The following HCN1 variants were observed in gnomAD, a reference collection of about 807,000 sequenced individuals.
HCN1 encodes the protein potassium/sodium hyperpolarization-activated cyclic nucleotide-gated channel 1.
In HCN1, 13 loss-of-function variants were observed where a neutral mutation model predicts 78.9. The observed-to-expected ratio is 0.16, with a 90% CI of 0.11 to 0.26. HCN1 has a LOEUF of 0.26. Ranked by LOEUF, HCN1 falls within the 10% of genes least tolerant of loss-of-function variation. The pLI, the probability that HCN1 is intolerant of heterozygous loss-of-function variation, is 1.00. For synonymous variants in HCN1, 552 were observed against 455.5 expected, an observed-to-expected ratio of 1.21 and a Z score of -2.70; for missense variants, 810 against 1,154.3, an observed-to-expected ratio of 0.70 and a Z score of 4.32.
intron 6 of HCN1, among the ~76,000 whole-genome samples, chr5:45,282,762 T>C (rs1745193597): frequency 6.6e-6 from 1 of 152,190 alleles, no homozygotes; most frequent in African/African-American, 2.4e-5. Context: ...TAGTAATTCT[T>C]TCAATCAGCT....
chr5:45,644,976 C>T, intron 2 of HCN1: 1 of 546,644 alleles, frequency 1.8e-6, no homozygotes, highest in Non-Finnish European at 3.2e-6. Context: ...AAAACGATCA[C>T]TATTTTTTTC....
chr5:45,645,669 T>C (rs1010995566), intron 1 of HCN1, 61 bp from the exon 2 acceptor site: 4 of 1,040,458 alleles, frequency 3.8e-6, no homozygotes, highest in African/African-American at 3.2e-5. Flanking sequence ...ATCCCCCCCA[T>C]GAAAAATTAT....
chr5:45,261,020 A>G lies in HCN1; in HGVS notation c.*901T>C, dbSNP rs923345026. On this transcript the variant is annotated 3_prime_UTR_variant, in exon 8 of 8. Coordinates refer to ENST00000303230, the MANE Select transcript of HCN1 (RefSeq NM_021072.4). The stretch of plus-strand genomic sequence containing the variant: ...TCGAGCATACAATTTTGCATAAAAC[A>G]TTGCAGGTTAAAATAATATTGTAGG... 5.2e-5 allele frequency: 8 copies of G among 152,644 alleles called. No homozygotes were observed. Among genetic ancestry groups the G allele is most frequent in the Non-Finnish European group, 1.2e-4 (8 of 68,038 alleles). The allele number at this position is 152,644 out of a possible 1,614,324, so 9.5% of individuals were successfully genotyped here.
At chr5:45,520,172 C>T (rs1180430930) in intron 2 of HCN1, among the ~76,000 whole-genome samples, 1 of 151,992 alleles carries the variant, frequency 6.6e-6, no homozygotes, top group African/African-American at 2.4e-5. Context: ...GCTTAGCCTG[C>T]TCCCATTGGA....
intron 3 of HCN1, among the ~76,000 whole-genome samples, chr5:45,446,290 G>A (rs1233197945): frequency 6.6e-6 from 1 of 152,188 alleles, no homozygotes; most frequent in Non-Finnish European, 1.5e-5. Context: ...GGGTATGAGT[G>A]ACGGAAGATC....
At chr5:45,324,813 A>G (rs1171041046) in intron 5 of HCN1, among the ~76,000 whole-genome samples, 4 of 151,828 alleles carry the variant, frequency 2.6e-5, no homozygotes, top group Non-Finnish European at 1.5e-5. Context: ...CTCTACGCTG[A>G]CTACACGAAA....
At position 45,496,640 on chromosome 5, in the gene HCN1, C is replaced by T. The variant is rs375456771; in HGVS notation, c.850-34633G>A. 3.0e-3 allele frequency among the ~76,000 whole-genome samples: 453 copies of T among 152,048 alleles called. 21 individuals carry two copies. The East Asian group carries it at 0.072, about 24-fold the overall frequency. ...CTAGCGGTCTATCAATTTTGTTGAT[C>T]CTTTCAAAAAACCAGCTCCTGGATT... On this transcript the variant is annotated intron_variant, in intron 2 of 7. Transcript: ENST00000303230.
At position 45,353,253 on chromosome 5, in the gene HCN1, G is replaced by T; in HGVS notation, c.1231-7C>A. ...ATTGTTCCACTTGCTTATACTGTAA[G>T]GAAGGGAAAATAAAATTAAAAAAAA... On this transcript the variant is annotated splice_region_variant and splice_polypyrimidine_tract_variant and intron_variant, in intron 4 of 7. Transcript: ENST00000303230. The T allele has an allele frequency of 6.3e-7, 1 of 1,587,862 alleles. No individual in the cohort carries two copies. Among genetic ancestry groups the T allele is most frequent in the South Asian group, 1.1e-5 (1 of 90,050 alleles).
At chr5:45,327,950 T>C (rs188460230) in intron 5 of HCN1, among the ~76,000 whole-genome samples, 1 of 151,772 alleles carries the variant, frequency 6.6e-6, no homozygotes, top group Admixed American at 6.6e-5. Flanking sequence ...CAGTTTGTGG[T>C]ATTTTGTCAT....
In HCN1 at chr5:45,520,808, A is replaced by G. The variant is rs181849955; in HGVS notation, c.850-58801T>C. The stretch of plus-strand genomic sequence containing the variant: ...TAAGCAGCTTCAAGGAACTTCTTTT[A>G]GAGATGAAAAGACATACTACTCAGG... On this transcript the variant is annotated intron_variant, in intron 2 of 7. Transcript: ENST00000303230. 9.4e-3 allele frequency among the ~76,000 whole-genome samples: 1,424 copies of G among 152,088 alleles called. 11 individuals are homozygous for G. The highest frequency in any genetic ancestry group is 0.014 in the Middle Eastern group (4 of 294).
Position 45,285,076 on chromosome 5 carries a change from C to A in HCN1, c.1619-17823G>T, listed in dbSNP as rs76211165. ...GGAATGAGCTGGAGAGATTCCAGAT[C>A]ATCAGAAATGAGTTTCCTGAGGTGA... On this transcript the variant is annotated intron_variant, in intron 6 of 7. Coordinates refer to ENST00000303230, the MANE Select transcript of HCN1 (RefSeq NM_021072.4). Among the ~76,000 whole-genome samples the A allele has an allele frequency of 9.4e-3, 1,435 of 152,116 alleles. 64 individuals carry two copies. The highest frequency in any genetic ancestry group is 0.064 in the Admixed American group (984 of 15,258).
intron 3 of HCN1, among the ~76,000 whole-genome samples, chr5:45,406,016 A>AT (rs1579873219): frequency 6.6e-6 from 1 of 152,038 alleles, no homozygotes; most frequent in Non-Finnish European, 1.5e-5. Flanking sequence ...GATATCACAG[A>AT]TTTTTTCTTA....
intron 3 of HCN1, among the ~76,000 whole-genome samples, chr5:45,413,731 T>C (rs1740067183): frequency 6.6e-6 from 1 of 152,080 alleles, no homozygotes; most frequent in Non-Finnish European, 1.5e-5. Context: ...GTGATCTTGA[T>C]AACATTAGCC....
chr5:45,630,582 C>T (rs916782780), intron 2 of HCN1, among the ~76,000 whole-genome samples: 1 of 152,182 alleles, frequency 6.6e-6, no homozygotes, highest in Non-Finnish European at 1.5e-5. Flanking sequence ...ACTTTCAAAA[C>T]ACCAACTTAT....
At chr5:45,361,776 AATT>A (rs1747115710) in intron 4 of HCN1, among the ~76,000 whole-genome samples, 1 of 152,122 alleles carries the variant, frequency 6.6e-6, no homozygotes, top group Admixed American at 6.6e-5. Flanking sequence ...TTCATTTATC[AATT>A]ATTATTATTA....
intron 1 of HCN1, among the ~76,000 whole-genome samples, chr5:45,684,698 T>C (rs1314806449): frequency 6.6e-6 from 1 of 152,090 alleles, no homozygotes; most frequent in Non-Finnish European, 1.5e-5. Context: ...CCATCTCTAC[T>C]GAAAATACAA....
At chr5:45,299,999 A>G (rs574426295) in intron 6 of HCN1, among the ~76,000 whole-genome samples, 1 of 152,128 alleles carries the variant, frequency 6.6e-6, no homozygotes, top group East Asian at 1.9e-4. Context: ...ATATTCAGTG[A>G]TGTGATTCAC....
At chr5:45,372,175 A>G (rs1200010007) in intron 4 of HCN1, among the ~76,000 whole-genome samples, 1 of 61,572 alleles carries the variant, frequency 1.6e-5, no homozygotes, top group Non-Finnish European at 2.4e-5. Flanking sequence ...ATATAATTAT[A>G]TTATAATATA....
At chr5:45,268,680 A>G (rs1393643685) in intron 6 of HCN1, among the ~76,000 whole-genome samples, 1 of 152,178 alleles carries the variant, frequency 6.6e-6, no homozygotes, top group African/African-American at 2.4e-5. Context: ...TGTCACCTAA[A>G]CCATCAATTA....
Sources: allele counts gnomAD v4.1 joint callset (sites outside exome capture counted in the v4.1 genomes callset), GRCh38; gene constraint gnomAD v4.1.1; transcripts MANE v1.5; gene names NCBI Gene and HGNC (gene_info 2026-07-23, HGNC 2026-07-21).